C4orf51: variants seen among roughly 807,000 people sequenced by gnomAD.
C4orf51 encodes chromosome 4 open reading frame 51.
Under a neutral mutation model 25.2 loss-of-function variants are expected in C4orf51, and 25 were observed. That is an observed-to-expected ratio of 0.99 (90% CI 0.72 to 1.39). C4orf51 has a LOEUF of 1.39. Ranked by LOEUF, C4orf51 falls within the 40% of genes most tolerant of loss-of-function variation. C4orf51 has a pLI of 0.00. For synonymous variants in C4orf51, 100 were observed against 84.5 expected, an observed-to-expected ratio of 1.18 and a Z score of -1.01; for missense variants, 252 against 239.6, an observed-to-expected ratio of 1.05 and a Z score of -0.34.
At chr4:145,749,762 T>C (rs1250781906) in intron 1 of C4orf51, among the ~76,000 whole-genome samples, 1 of 152,018 alleles carries the variant, frequency 6.6e-6, no homozygotes, top group African/African-American at 2.4e-5. Context: ...GCCTCCCGAG[T>C]AGCTGGAACT....
chr4:145,722,390 T>G (rs939761728), intron 2 of C4orf51, among the ~76,000 whole-genome samples: 10 of 152,230 alleles, frequency 6.6e-5, no homozygotes, highest in Non-Finnish European at 1.5e-4. Context: ...AAGAATGTTC[T>G]CTTACATAAC....
At chr4:145,688,559 A>C (rs1433948472) in intron 1 of C4orf51, among the ~76,000 whole-genome samples, 1 of 151,958 alleles carries the variant, frequency 6.6e-6, no homozygotes, top group Non-Finnish European at 1.5e-5. Context: ...AGCATGCTCT[A>C]TCTCTCCTGC....
intron 1 of C4orf51, among the ~76,000 whole-genome samples, chr4:145,764,301 T>G (rs1734952240): frequency 6.6e-6 from 1 of 152,168 alleles, no homozygotes; most frequent in Non-Finnish European, 1.5e-5. Flanking sequence ...ATACATTTCT[T>G]GAGGGTGGAA....
chr4:145,770,027 G>C (rs1172860238), intron 1 of C4orf51, among the ~76,000 whole-genome samples: 1 of 152,276 alleles, frequency 6.6e-6, no homozygotes, highest in East Asian at 1.9e-4. Context: ...GCTGGGTGCC[G>C]TGGCTCACGC....
chr4:145,703,758 A>G (rs904704071), intron 2 of C4orf51, among the ~76,000 whole-genome samples: 11 of 152,114 alleles, frequency 7.2e-5, no homozygotes, highest in African/African-American at 2.7e-4. Context: ...TCTTTAATCT[A>G]TTTTGAGTTG....
intron 2 of C4orf51, among the ~76,000 whole-genome samples, chr4:145,710,394 C>A (rs906856336): frequency 1.3e-5 from 2 of 152,168 alleles, no homozygotes; most frequent in African/African-American, 4.8e-5. Flanking sequence ...TGTTGGCCTG[C>A]TTCTGGGGTA....
intron 2 of C4orf51, among the ~76,000 whole-genome samples, chr4:145,726,127 C>A (rs1732041560): frequency 6.6e-6 from 1 of 152,164 alleles, no homozygotes; most frequent in African/African-American, 2.4e-5. Context: ...ATGAATTTAA[C>A]TTCTACAGTT....
intron 1 of C4orf51, among the ~76,000 whole-genome samples, chr4:145,746,956 A>T (rs1375116455): frequency 6.6e-6 from 1 of 151,890 alleles, no homozygotes; most frequent in Non-Finnish European, 1.5e-5. Context: ...GTATCATTTT[A>T]TTTGTAGCTA....
At position 145,726,976 on chromosome 4, in the gene C4orf51, C is replaced by A. The variant is rs771818362; in HGVS notation, c.366+7C>A. The A allele has an allele frequency of 9.9e-6, 16 of 1,609,004 alleles. 1 individual carries two copies. The highest frequency in any genetic ancestry group is 2.2e-5 in the East Asian group (1 of 44,802). On this transcript the variant is annotated splice_region_variant and intron_variant, in intron 3 of 5. Coordinates refer to ENST00000438731, the MANE Select transcript of C4orf51 (RefSeq NM_001080531.3). ...TGATGTCAAGCATGGAGTGGTAAGC[C>A]CAACATTTCTCAGCAATCTCTTACC...
At position 145,751,668 on chromosome 4, in the gene C4orf51, C is replaced by G. The variant is rs537282555; in HGVS notation, n.168-2539C>G. Among the ~76,000 whole-genome samples the G allele has an allele frequency of 6.6e-5, 10 of 152,294 alleles. No individual in the cohort carries two copies. The East Asian group carries it at 9.6e-4, about 15-fold the overall frequency. On this transcript the variant is annotated intron_variant and non_coding_transcript_variant, in intron 1 of 1. Coordinates refer to the C4orf51 transcript ENST00000508981. ...TTATGTACTTATGTTTGCTCAGGGC[C>G]CTAGGGCTGTACGATCATCAAGTGA...
At chr4:145,742,823 AGCCACCAC>A (rs1733175427) in intron 1 of C4orf51, among the ~76,000 whole-genome samples, 1 of 152,046 alleles carries the variant, frequency 6.6e-6, no homozygotes, top group African/African-American at 2.4e-5. Flanking sequence ...TGTAGGCGTG[AGCCACCAC>A]GCCCAGCCAG....
chr4:145,770,125 C>T (rs1300103040), intron 1 of C4orf51, among the ~76,000 whole-genome samples: 2 of 152,022 alleles, frequency 1.3e-5, no homozygotes, highest in African/African-American at 4.8e-5. Context: ...GGCAAAACCC[C>T]ATCTCTACTA....
chr4:145,738,343 A>G (rs1380160692), intron 1 of C4orf51, among the ~76,000 whole-genome samples: 1 of 151,926 alleles, frequency 6.6e-6, no homozygotes, highest in African/African-American at 2.4e-5. Context: ...CCAGCTATTC[A>G]GGAGGTTGAG....
the C4orf51 span, among the ~76,000 whole-genome samples, chr4:145,790,425 A>G: frequency 1.3e-5 from 2 of 152,350 alleles, no homozygotes; most frequent in East Asian, 1.9e-4. Flanking sequence ...CTGAGTTTAG[A>G]AAGTAAATCC....
At chr4:145,699,880 A>C (rs1730314608) in intron 2 of C4orf51, among the ~76,000 whole-genome samples, 1 of 149,834 alleles carries the variant, frequency 6.7e-6, no homozygotes, top group South Asian at 2.1e-4. Flanking sequence ...AGGGGCAAGT[A>C]CCCCTCAACC....
At chr4:145,731,766 G>C (rs1732495179) in intron 5 of C4orf51, among the ~76,000 whole-genome samples, 1 of 151,860 alleles carries the variant, frequency 6.6e-6, no homozygotes, top group Non-Finnish European at 1.5e-5. Context: ...ATTTTTAGTA[G>C]AGACAGGGTT....
In C4orf51 at chr4:145,761,961, C is replaced by T. The variant is rs1291113062; in HGVS notation, n.167-9027C>T. 1.3e-5 allele frequency among the ~76,000 whole-genome samples: 2 copies of T among 152,182 alleles called. No homozygotes were observed. Among genetic ancestry groups the T allele is most frequent in the Non-Finnish European group, 2.9e-5 (2 of 68,024 alleles). ...CCTCGGAGCCCTCCCCACTCCCGAC[C>T]AGACAGCGCAGAGGTCTAAACCTCC... On this transcript the variant is annotated intron_variant and non_coding_transcript_variant, in intron 1 of 1. Transcript: ENST00000510096. This position sits in a 1 kb window ranked among gnomAD's most constrained non-coding sequence, Gnocchi z 6.8.
At chr4:145,703,853 G>C (rs546833907) in intron 2 of C4orf51, among the ~76,000 whole-genome samples, 69 of 152,328 alleles carry the variant, frequency 4.5e-4, no homozygotes, top group African/African-American at 1.6e-3. Flanking sequence ...TTATAGACGA[G>C]ACTGCTGTGG....
intron 2 of C4orf51, among the ~76,000 whole-genome samples, chr4:145,713,758 G>GT (rs1250554713): frequency 6.6e-6 from 1 of 151,956 alleles, no homozygotes; most frequent in Non-Finnish European, 1.5e-5. Context: ...TTAAATTAAG[G>GT]TATGTCCATT....
Sources: gnomAD v4.1 joint callset for allele counts (sites outside exome capture counted in the v4.1 genomes callset) on GRCh38, gnomAD v4.1.1 for gene constraint, Gnocchi (gnomAD v3.1) non-coding constraint, MANE v1.5 for transcripts, NCBI Gene and HGNC (gene_info 2026-07-23, HGNC 2026-07-21) for gene names.